The following FNBP1 variants were observed in gnomAD, a reference collection of about 807,000 sequenced individuals.
The protein encoded by FNBP1 is formin-binding protein 1.
FNBP1 carries 26 observed loss-of-function variants against 90.6 expected under a neutral mutation model. The ratio of observed to expected loss-of-function variants is 0.29; its 90% CI spans 0.21 to 0.40. FNBP1 has a LOEUF of 0.40. FNBP1 is among the 10% of genes least tolerant of loss of function. The probability of loss-of-function intolerance (pLI) is 1.00; values close to 1 mark genes in which losing one functional copy is unlikely to be tolerated. For synonymous variants in FNBP1, 260 were observed against 265.2 expected, an observed-to-expected ratio of 0.98 and a Z score of 0.19; for missense variants, 635 against 768.0, an observed-to-expected ratio of 0.83 and a Z score of 2.05.
chr9:129,909,666 CAGGCTGG>C lies in FNBP1; in HGVS notation c.1186-674_1186-668del, dbSNP rs372699632. Among the ~76,000 whole-genome samples, 387 of 152,188 alleles carry C rather than the reference CAGGCTGG, an allele frequency of 2.5e-3. 1 individual carries two copies. The highest frequency in any genetic ancestry group is 0.01 in the Middle Eastern group (3 of 294). ...TGAGACAGAGTCTCACTCTGTTGCC[CAGGCTGG>C]AGTGCAGTGGTGCGATCTCAGCTCA... On this transcript the variant is annotated intron_variant, in intron 11 of 16. Coordinates refer to ENST00000446176, the MANE Select transcript of FNBP1 (RefSeq NM_015033.3).
upstream of FNBP1, among the ~76,000 whole-genome samples, chr9:130,046,601 A>C (rs2060061440): frequency 1.3e-5 from 2 of 149,338 alleles, no homozygotes; most frequent in South Asian, 4.2e-4. Context: ...AAAAAAAAAA[A>C]AAACACCAAA....
In FNBP1 at chr9:129,957,544, A is replaced by C; in HGVS notation, c.409-80T>G. ...ATTTTATCTAAAGCTCCCAAAGAGC[A>C]TTGTTCTTTTTCTTTTTTTTTTCTT... is the stretch of plus-strand genomic sequence containing the variant. On this transcript the variant is annotated intron_variant, in intron 5 of 16. Coordinates refer to ENST00000446176, the MANE Select transcript of FNBP1 (RefSeq NM_015033.3). This position sits in a 1 kb window ranked among gnomAD's most constrained non-coding sequence, Gnocchi z 4.3. The C allele has an allele frequency of 9.0e-7, 1 of 1,110,974 alleles. No individual in the cohort carries two copies. Among genetic ancestry groups the C allele is most frequent in the East Asian group, 2.5e-5 (1 of 39,782 alleles). 68.8% of individuals were successfully genotyped at this position (1,110,974 alleles called of 1,614,324 possible).
intron 2 of FNBP1, among the ~76,000 whole-genome samples, chr9:129,991,701 C>T (rs544630461): frequency 5.9e-5 from 9 of 151,678 alleles, no homozygotes; most frequent in African/African-American, 2.2e-4. Flanking sequence ...ACTCTGTCGC[C>T]CAGGCTGGAG....
chr9:129,905,866 T>C (rs2037937675), intron 12 of FNBP1, among the ~76,000 whole-genome samples: 1 of 148,030 alleles, frequency 6.8e-6, no homozygotes, highest in South Asian at 2.2e-4. Context: ...GTGGCTTATT[T>C]AGAGGCATAT....
intron 2 of FNBP1, among the ~76,000 whole-genome samples, chr9:129,984,336 C>T (rs1254554471): frequency 6.6e-6 from 1 of 152,058 alleles, no homozygotes; most frequent in Non-Finnish European, 1.5e-5. Flanking sequence ...AAATGATGAC[C>T]AAGAAGAGCA....
In FNBP1 at chr9:129,957,685, G is replaced by A. The variant is rs770583799; in HGVS notation, c.409-221C>T. Among the ~76,000 whole-genome samples the A allele has an allele frequency of 1.3e-5, 2 of 152,032 alleles. No individual in the cohort carries two copies. Among genetic ancestry groups the A allele is most frequent in the Non-Finnish European group, 2.9e-5 (2 of 68,014 alleles). Reference sequence around the variant, plus strand: ...TCCCACCTCAGCCTCACTAGCTGCTGTGACTACAGGCATGCACCACCATGC... The same window carrying A: ...TCCCACCTCAGCCTCACTAGCTGCTATGACTACAGGCATGCACCACCATGC... On this transcript the variant is annotated intron_variant, in intron 5 of 16. Transcript: ENST00000446176. This position sits in a 1 kb window ranked among gnomAD's most constrained non-coding sequence, Gnocchi z 4.3.
At chr9:129,917,213 C>G (rs189362262) in intron 10 of FNBP1, among the ~76,000 whole-genome samples, 1 of 151,954 alleles carries the variant, frequency 6.6e-6, no homozygotes. Flanking sequence ...GGGGTTTCGC[C>G]TTGTTGGTCA....
At chr9:130,002,818 C>T (rs1346765898) in intron 1 of FNBP1, among the ~76,000 whole-genome samples, 1 of 152,134 alleles carries the variant, frequency 6.6e-6, no homozygotes, top group African/African-American at 2.4e-5. Context: ...CCTGATGGTA[C>T]CTTTCAGGAA....
chr9:130,010,249 T>C (rs1037438088), intron 1 of FNBP1, among the ~76,000 whole-genome samples: 1 of 152,094 alleles, frequency 6.6e-6, no homozygotes. Context: ...CTAGCAGCTA[T>C]CCCCCATCCA....
intron 11 of FNBP1, among the ~76,000 whole-genome samples, chr9:129,910,504 A>AAG (rs1554771987): frequency 0.039 from 4,008 of 103,452 alleles, 674 homozygotes; most frequent in Middle Eastern, 0.055. Flanking sequence ...AAAAAAAAAA[A>AAG]AGAGAGAGAG....
intron 4 of FNBP1, among the ~76,000 whole-genome samples, chr9:129,963,977 TC>T (rs577980024): frequency 2.7e-3 from 412 of 152,264 alleles, no homozygotes; most frequent in Non-Finnish European, 4.8e-3. Context: ...CGAAAAACTA[TC>T]CGTGCTGGGG....
At chr9:129,973,916 T>G (rs1412038598) in intron 4 of FNBP1, among the ~76,000 whole-genome samples, 1 of 151,608 alleles carries the variant, frequency 6.6e-6, no homozygotes, top group Non-Finnish European at 1.5e-5. Flanking sequence ...GTTCGAGCAA[T>G]TCTTGTACCT....
chr9:129,991,270 T>C lies in FNBP1; in HGVS notation c.140+3573A>G, dbSNP rs1333405601. 3.4e-5 allele frequency among the ~76,000 whole-genome samples: 5 copies of C among 146,292 alleles called. No individual in the cohort carries two copies. The East Asian group carries it at 1.3e-3, about 39-fold the overall frequency. ...TGGAGGAAAATCTAGGTCGTGGAAA[T>C]GCAGATTTTTTTTTTTTTTGAGATA... On this transcript the variant is annotated intron_variant, in intron 2 of 16. Transcript: ENST00000446176.
At chr9:129,925,278 G>T (rs920793218) in intron 8 of FNBP1, 121 bp from the exon 9 acceptor site, 10 of 731,694 alleles carry the variant, frequency 1.4e-5, no homozygotes, top group Non-Finnish European at 2.3e-5. Flanking sequence ...AGGCAGAGGC[G>T]GGTGGATCAC....
At position 129,964,168 on chromosome 9, in the gene FNBP1, C is replaced by T. The variant is rs144650929; in HGVS notation, c.346-5615G>A. Among the ~76,000 whole-genome samples, 635 of 152,244 alleles carry T rather than the reference C, an allele frequency of 4.2e-3. 5 individuals are homozygous for T. Among genetic ancestry groups the T allele is most frequent in the African/African-American group, 0.015 (620 of 41,544 alleles). On this transcript the variant is annotated intron_variant, in intron 4 of 16. Coordinates refer to ENST00000446176, the MANE Select transcript of FNBP1 (RefSeq NM_015033.3). ...CTTTGCCAGATGTATTTGTTGTTTA[C>T]CAACAATGGCCGAACATTTCTTTTC... is the stretch of plus-strand genomic sequence containing the variant.
intron 6 of FNBP1, among the ~76,000 whole-genome samples, chr9:129,945,854 A>G (rs911995316): frequency 2.0e-5 from 3 of 152,194 alleles, no homozygotes; most frequent in African/African-American, 7.2e-5. Flanking sequence ...ATATTCTATT[A>G]TAGAATATAT....
At chr9:129,893,740 C>T (rs1346240489) in intron 16 of FNBP1, among the ~76,000 whole-genome samples, 1 of 149,252 alleles carries the variant, frequency 6.7e-6, no homozygotes, top group Non-Finnish European at 1.5e-5. Context: ...CACGGTGAAA[C>T]CCTGTCTCTA....
chr9:130,038,062 T>C (rs2059481115), intron 1 of FNBP1, among the ~76,000 whole-genome samples: 1 of 152,012 alleles, frequency 6.6e-6, no homozygotes, highest in Non-Finnish European at 1.5e-5. Context: ...TAAAAAAAAT[T>C]ACATACAGTC....
chr9:129,973,385 AGT>A (rs1459282118), intron 4 of FNBP1, among the ~76,000 whole-genome samples: 24 of 152,370 alleles, frequency 1.6e-4, no homozygotes, highest in Non-Finnish European at 1.5e-5. Flanking sequence ...ACAATAAAAT[AGT>A]GTTTACTAAG....
Sources: allele counts gnomAD v4.1 joint callset (sites outside exome capture counted in the v4.1 genomes callset), GRCh38; gene constraint gnomAD v4.1.1; non-coding constraint Gnocchi (gnomAD v3.1); transcripts MANE v1.5; gene names NCBI Gene and HGNC (gene_info 2026-07-23, HGNC 2026-07-21).